Variants in CWC22 observed in about 807,000 individuals in gnomAD.
CWC22 encodes the protein CWC22 spliceosome associated protein.
A neutral mutation model predicts 117.2 loss-of-function variants in CWC22; 53 were observed. The observed-to-expected ratio is 0.45, with a 90% confidence interval of 0.36 to 0.57. The LOEUF is 0.57. Ranked by LOEUF, CWC22 falls within the 20% of genes least tolerant of loss-of-function variation. The pLI is 0.00. For synonymous variants in CWC22, 360 were observed against 355.6 expected, an observed-to-expected ratio of 1.01 and a Z score of -0.14; for missense variants, 980 against 1,068.8, an observed-to-expected ratio of 0.92 and a Z score of 1.16.
chr2:179,978,210 T>C lies in CWC22; in HGVS notation c.561A>G (p.Gln187=). ...CTTACCTTCCTCTAACTATATTTTC[T>C]TGAAGAAGCTCTTGAATAATAATAC... ...NISIIIQELL[Q]ENIVRGRGLL... Residue 187 remains glutamine (Q), a synonymous_variant, in exon 6 of 20, where the codon CAA becomes CAG. Coordinates refer to ENST00000410053, the MANE Select transcript of CWC22 (RefSeq NM_020943.3). 1 of 1,542,160 alleles carries C rather than the reference T, an allele frequency of 6.5e-7. No individual in the cohort carries two copies. The highest frequency in any genetic ancestry group is 1.3e-5 in the South Asian group (1 of 76,556).
chr2:179,968,135 T>C (rs763587398), intron 11 of CWC22, among the ~76,000 whole-genome samples: 19 of 152,224 alleles, frequency 1.2e-4, no homozygotes, highest in Admixed American at 5.2e-4. Context: ...TTAAAAGATG[T>C]GCATAACTCA....
At chr2:180,004,693 C>A (rs1371037753) in intron 1 of CWC22, among the ~76,000 whole-genome samples, 1 of 151,428 alleles carries the variant, frequency 6.6e-6, no homozygotes, top group South Asian at 2.1e-4. Flanking sequence ...CGCCCCTCGC[C>A]CCCCTCCCCC....
chr2:179,955,043 G>A lies in CWC22; in HGVS notation c.1459-9C>T, dbSNP rs1290511707. On this transcript the variant is annotated splice_polypyrimidine_tract_variant and intron_variant, in intron 14 of 19. Coordinates refer to ENST00000410053, the MANE Select transcript of CWC22 (RefSeq NM_020943.3). ...ATGTTGCAGAGTTCTTTCTATTTGG[G>A]AAAAAAAATACATTAATGATTCAAA... is the stretch of plus-strand genomic sequence containing the variant. The A allele has an allele frequency of 3.2e-6, 5 of 1,561,666 alleles. No individual in the cohort carries two copies. Among genetic ancestry groups the A allele is most frequent in the Non-Finnish European group, 3.5e-6 (4 of 1,144,060 alleles).
rs560328406 is a variant in CWC22 at position 179,952,412 on chromosome 2, C to T, written c.1817+59G>A. On this transcript the variant is annotated intron_variant, in intron 17 of 19. Transcript: ENST00000410053. The stretch of plus-strand genomic sequence containing the variant: ...ACAGTCTCGGATGGGCTTATGTCTG[C>T]TACAATGGGAGAAAACCAGAGGTCA... 1.2e-5 allele frequency: 16 copies of T among 1,347,966 alleles called. No individual in the cohort carries two copies. The African/African-American group carries it at 2.4e-4, about 20-fold the overall frequency. 83.5% of individuals were successfully genotyped at this position (1,347,966 alleles called of 1,614,324 possible). A position where few individuals can be genotyped will look rare whatever the true frequency, so the allele number is the denominator to read the frequency against.
At chr2:179,945,889 T>A (rs553490971) in intron 19 of CWC22, among the ~76,000 whole-genome samples, 174 bp from the exon 20 acceptor site, 14 of 152,316 alleles carry the variant, frequency 9.2e-5, no homozygotes, top group African/African-American at 2.2e-4. Context: ...TGCTTAATTT[T>A]ATTTTATTTT....
At chr2:179,973,990 G>A (rs1687094414) in intron 6 of CWC22, among the ~76,000 whole-genome samples, 188 bp from the exon 7 acceptor site, 1 of 152,116 alleles carries the variant, frequency 6.6e-6, no homozygotes, top group African/African-American at 2.4e-5. Flanking sequence ...GTGAATTTGT[G>A]ATTTTGTAAA....
chr2:179,948,888 T>C (rs1686375983), intron 19 of CWC22, among the ~76,000 whole-genome samples: 1 of 152,210 alleles, frequency 6.6e-6, no homozygotes, highest in East Asian at 1.9e-4. Flanking sequence ...GTCTAGTCAA[T>C]AATGCTGTTC....
At chr2:179,957,229 C>A (rs944550477) in intron 14 of CWC22, among the ~76,000 whole-genome samples, 25 of 152,064 alleles carry the variant, frequency 1.6e-4, no homozygotes, top group Non-Finnish European at 3.7e-4. Flanking sequence ...TCAAGCGTGG[C>A]CAGTGTACAA....
chr2:179,966,776 A>G (rs917545258), intron 11 of CWC22, among the ~76,000 whole-genome samples: 1 of 152,200 alleles, frequency 6.6e-6, no homozygotes, highest in Non-Finnish European at 1.5e-5. Context: ...ATACCTGACC[A>G]ACTCTTTACT....
intron 14 of CWC22, 61 bp from the exon 15 acceptor site, chr2:179,955,095 T>C (rs543488270): frequency 4.1e-6 from 5 of 1,217,444 alleles, no homozygotes; most frequent in Admixed American, 2.0e-5. Flanking sequence ...TATTGTATAA[T>C]TTACCAGTAT....
chr2:179,974,389 G>A (rs919159702), intron 6 of CWC22, among the ~76,000 whole-genome samples: 2 of 152,182 alleles, frequency 1.3e-5, no homozygotes, highest in Non-Finnish European at 2.9e-5. Flanking sequence ...GTACCTACTT[G>A]TAACTCATTT....
chr2:179,954,150 C>T, intron 16 of CWC22, 55 bp downstream of exon 16: 1 of 1,394,596 alleles, frequency 7.2e-7, no homozygotes, highest in South Asian at 1.4e-5. Context: ...ATACGAAAAT[C>T]TATTTGAGAA....
At chr2:179,976,107 A>T (rs1274031771) in intron 6 of CWC22, among the ~76,000 whole-genome samples, 1 of 152,232 alleles carries the variant, frequency 6.6e-6, no homozygotes, top group Non-Finnish European at 1.5e-5. Flanking sequence ...AGACATTGGC[A>T]GTCAACTGAT....
At chr2:179,962,730 T>C (rs571468495) in intron 13 of CWC22, among the ~76,000 whole-genome samples, 295 of 152,120 alleles carry the variant, frequency 1.9e-3, no homozygotes, top group Non-Finnish European at 3.7e-3. Context: ...AAGGGTCAAA[T>C]AGCATGAACA....
Position 179,945,279 on chromosome 2 carries a change from T to C in CWC22, c.2577A>G (p.Arg859=). The change falls in exon 20 of 20, where the codon AGA becomes AGG. Residue 859 remains arginine (R), a synonymous_variant. Coordinates refer to ENST00000410053, the MANE Select transcript of CWC22 (RefSeq NM_020943.3). ...CATCACTTCTTGAGCCTGAGTGCTT[T>C]CTATTCATTTCCTTTGACTTTGATC... ...KDRSKSKEMN[R]KHSGSRSDED... 1 of 1,613,794 alleles carries C rather than the reference T, an allele frequency of 6.2e-7. No homozygotes were observed. The highest frequency in any genetic ancestry group is 8.5e-7 in the Non-Finnish European group (1 of 1,179,808).
At chr2:179,997,187 T>C (rs1035328325) in intron 1 of CWC22, among the ~76,000 whole-genome samples, 1 of 152,054 alleles carries the variant, frequency 6.6e-6, no homozygotes, top group East Asian at 1.9e-4. Flanking sequence ...ATATGTATAG[T>C]ATATAGAACT....
At chr2:179,968,876 C>T (rs936895772) in intron 11 of CWC22, among the ~76,000 whole-genome samples, 4 of 151,936 alleles carry the variant, frequency 2.6e-5, no homozygotes, top group African/African-American at 4.8e-5. Context: ...CGTAAAATAA[C>T]GATTTTCATA....
intron 1 of CWC22, among the ~76,000 whole-genome samples, chr2:179,996,751 T>C (rs1687712012): frequency 6.6e-6 from 1 of 151,996 alleles, no homozygotes; most frequent in Non-Finnish European, 1.5e-5. Context: ...TACATCTCTA[T>C]ATATTTTATA....
chr2:179,948,988 C>T (rs1361472218), intron 19 of CWC22, among the ~76,000 whole-genome samples: 1 of 152,148 alleles, frequency 6.6e-6, no homozygotes, highest in Admixed American at 6.6e-5. Context: ...TATGGAAATT[C>T]TCTGTACTGT....
Sources: allele counts gnomAD v4.1 joint callset (sites outside exome capture counted in the v4.1 genomes callset), GRCh38; gene constraint gnomAD v4.1.1; transcripts MANE v1.5; gene names NCBI Gene and HGNC (gene_info 2026-07-23, HGNC 2026-07-21).